LARS2: variants seen among roughly 807,000 people sequenced by gnomAD.
The protein encoded by LARS2 is leucine--tRNA ligase, mitochondrial.
A neutral mutation model predicts 116.6 loss-of-function variants in LARS2; 81 were observed. The observed-to-expected ratio is 0.69, with a 90% CI of 0.58 to 0.84. LARS2 has a LOEUF of 0.84. Among genes scored for constraint, LARS2 ranks in the 40% least tolerant of loss-of-function variants. The pLI, the probability that LARS2 is intolerant of heterozygous loss-of-function variation, is 0.00. For missense variants in LARS2, 968 were observed against 1,114.5 expected (o/e 0.87, Z 1.87); for synonymous variants, 396 against 407.2 (o/e 0.97, Z 0.33).
At chr3:45,426,122 A>T (rs2125691679) in intron 6 of LARS2, among the ~76,000 whole-genome samples, 1 of 152,292 alleles carries the variant, frequency 6.6e-6, no homozygotes, top group Admixed American at 6.5e-5. Flanking sequence ...TATTACTTCA[A>T]AGCCCGTACT....
chr3:45,533,269 G>A (rs1307217808), intron 20 of LARS2, among the ~76,000 whole-genome samples: 1 of 143,846 alleles, frequency 7.0e-6, no homozygotes, highest in Non-Finnish European at 1.5e-5. Context: ...GCCTGCATCA[G>A]CCTCCTGAGT....
chr3:45,471,040 T>TAAAAAAAAAAAAAAAA (rs55749404), intron 8 of LARS2, among the ~76,000 whole-genome samples: 1 of 43,814 alleles, frequency 2.3e-5, no homozygotes, highest in Admixed American at 2.9e-4. Context: ...ATTACAACAC[T>TAAAAAAAAAAAAAAAA]AAAAAAAAAA....
chr3:45,544,414 C>T (rs1421381114), intron 21 of LARS2, among the ~76,000 whole-genome samples: 13 of 152,170 alleles, frequency 8.5e-5, no homozygotes, highest in African/African-American at 1.2e-4. Context: ...CTGCCTTATC[C>T]GGCTATTGAG....
At chr3:45,471,066 A>T (rs28652703) in intron 8 of LARS2, among the ~76,000 whole-genome samples, 1 of 116,070 alleles carries the variant, frequency 8.6e-6, no homozygotes, top group African/African-American at 2.8e-5. Context: ...AAAAAAAAAA[A>T]AAGAAGGATA....
Position 45,497,554 on chromosome 3 carries a change from C to T in LARS2, c.1622+1181C>T, listed in dbSNP as rs578070665. On this transcript the variant is annotated intron_variant, in intron 14 of 21. Transcript: ENST00000645846. Reference sequence around the variant, plus strand: ...GTGAGACAGATACTCCTGCCCTCACCCTGCCAGAATTTCAACCTGCAGTGT... The same window carrying T: ...GTGAGACAGATACTCCTGCCCTCACTCTGCCAGAATTTCAACCTGCAGTGT... 3.3e-5 allele frequency among the ~76,000 whole-genome samples: 5 copies of T among 152,226 alleles called. No homozygotes were observed. In the East Asian group the frequency reaches 9.6e-4, roughly 29 times the overall value.
intron 6 of LARS2, among the ~76,000 whole-genome samples, chr3:45,436,532 C>T (rs1029864321): frequency 2.0e-5 from 3 of 151,974 alleles, no homozygotes; most frequent in Non-Finnish European, 4.4e-5. Context: ...CGGTGGCTCA[C>T]GCCTGTAATC....
At position 45,516,292 on chromosome 3, in the gene LARS2, C is replaced by T. The variant is rs1335578851; in HGVS notation, c.2044+16C>T. On this transcript the variant is annotated intron_variant, in intron 17 of 21. Coordinates refer to ENST00000645846, the MANE Select transcript of LARS2 (RefSeq NM_015340.4). ...GATGTGAAAAGTAAGTCACCTTCCTCTTCCTGACTTGCTTCCTTTGTGATC... is the reference window on the plus strand; with the variant it reads ...GATGTGAAAAGTAAGTCACCTTCCTTTTCCTGACTTGCTTCCTTTGTGATC... 1.2e-6 allele frequency: 2 copies of T among 1,607,374 alleles called. No individual in the cohort carries two copies. Among genetic ancestry groups the T allele is most frequent in the African/African-American group, 1.3e-5 (1 of 74,790 alleles).
intron 6 of LARS2, among the ~76,000 whole-genome samples, chr3:45,431,446 G>A (rs924710408): frequency 2.6e-5 from 4 of 152,128 alleles, no homozygotes; most frequent in Admixed American, 6.5e-5. Context: ...AGAAGAATAC[G>A]TTATAAAAAA....
intron 6 of LARS2, 72 bp downstream of exon 6, chr3:45,419,801 C>A: frequency 7.9e-7 from 1 of 1,262,528 alleles, no homozygotes; most frequent in Non-Finnish European, 1.2e-6. Context: ...ACTCTTCTTC[C>A]TCTTTGAGTT....
chr3:45,520,728 A>G (rs1421699605), intron 19 of LARS2, among the ~76,000 whole-genome samples: 1 of 152,204 alleles, frequency 6.6e-6, no homozygotes, highest in Non-Finnish European at 1.5e-5. Context: ...ACCAATGCCA[A>G]AAGTCAGCCT....
In LARS2 at chr3:45,485,793, A is replaced by C. The variant is rs1201875571; in HGVS notation, c.1120A>C (p.Ile374Leu). 1.3e-6 allele frequency: 2 copies of C among 1,588,194 alleles called. No individual in the cohort carries two copies. Among genetic ancestry groups the C allele is most frequent in the Non-Finnish European group, 1.7e-6 (2 of 1,158,692 alleles). Reference protein sequence around the residue: ...ADLEGSLDSKIGIPSTSSEDT... With the variant: ...ADLEGSLDSKLGIPSTSSEDT... ...CTTGGAAGGCTCTCTGGATTCAAAA[A>C]TAGGTAAGCAGCTATTAAAATGTAA... Residue 374 changes from isoleucine (I) to leucine (L), a missense_variant, in exon 11 of 22, where the codon ATA becomes CTA. Physicochemically the swap from Ile to Leu is conservative, Grantham distance 5. Transcript: ENST00000645846.
At chr3:45,440,244 C>G (rs1307175264) in intron 6 of LARS2, among the ~76,000 whole-genome samples, 1 of 152,216 alleles carries the variant, frequency 6.6e-6, no homozygotes, top group East Asian at 1.9e-4. Context: ...GCTAGTTTCT[C>G]TGCCTTTGAG....
In LARS2 at chr3:45,517,980, T is replaced by C; in HGVS notation, c.2122T>C (p.Ser708Pro). 1.2e-6 allele frequency: 2 copies of C among 1,613,798 alleles called. No homozygotes were observed. Among genetic ancestry groups the C allele is most frequent in the Non-Finnish European group, 1.7e-6 (2 of 1,179,692 alleles). Residue 708 changes from serine to proline, a missense_variant, in exon 18 of 22, where the codon TCT becomes CCT. Transcript: ENST00000645846. ...AACTCGGTTTATTGAGGCCAGGGCT[T>C]CTGGGAAGTCTCCCCAGCCTCAGCT... The part of the protein sequence containing the change: ...LTTRFIEARA[S>P]GKSPQPQLLS...
chr3:45,509,510 T>C (rs1045711034), intron 15 of LARS2: 3 of 152,112 alleles, frequency 2.0e-5, no homozygotes, highest in Admixed American at 2.0e-4. Flanking sequence ...GTCTTTCTTG[T>C]AGTGCTGATG....
intron 8 of LARS2, among the ~76,000 whole-genome samples, chr3:45,466,328 C>T (rs1404432687): frequency 1.3e-5 from 2 of 152,054 alleles, no homozygotes; most frequent in Non-Finnish European, 2.9e-5. Flanking sequence ...ACCTCTTCAG[C>T]TTGGAGAGTT....
chr3:45,524,041 T>C lies in LARS2; in HGVS notation c.2337T>C (p.Asp779=), dbSNP rs1245387659. 2.5e-6 allele frequency: 4 copies of C among 1,614,014 alleles called. No homozygotes were observed. In the African/African-American group the frequency reaches 5.3e-5, roughly 22 times the overall value. Reference sequence around the variant, plus strand: ...TTCTCCACAGCCCCGAGTTTGAGGATGCTTTGTGTGCCCTGATGGTAATGG... The same window carrying C: ...TTCTCCACAGCCCCGAGTTTGAGGACGCTTTGTGTGCCCTGATGGTAATGG... ...SVILHSPEFE[D]ALCALMVMAA... The change falls in exon 20 of 22, where the codon GAT becomes GAC. Residue 779 remains aspartate, a synonymous_variant. Coordinates refer to ENST00000645846, the MANE Select transcript of LARS2 (RefSeq NM_015340.4).
intron 4 of LARS2, among the ~76,000 whole-genome samples, 177 bp from the exon 5 acceptor site, chr3:45,417,305 G>C (rs1186721137): frequency 6.6e-6 from 1 of 152,160 alleles, no homozygotes; most frequent in African/African-American, 2.4e-5. Context: ...AACCTTCTAA[G>C]TTGTGTTCTA....
At position 45,491,771 on chromosome 3, in the gene LARS2, T is replaced by G; in HGVS notation, c.1494T>G (p.Ala498=). ...AGGGAGGCCCCCCACTGGCCATGGC[T>G]TCAGAGTGGGTGAACTGCTCCTGCC... The part of the protein sequence containing the change: ...TGKGGPPLAM[A]SEWVNCSCPR... Residue 498 remains alanine (A), a synonymous_variant, in exon 13 of 22, where the codon GCT becomes GCG. Transcript: ENST00000645846. 1.2e-6 allele frequency: 2 copies of G among 1,614,162 alleles called. No individual in the cohort carries two copies. The highest frequency in any genetic ancestry group is 1.7e-6 in the Non-Finnish European group (2 of 1,180,008).
chr3:45,445,787 C>T (rs933213954), intron 6 of LARS2, among the ~76,000 whole-genome samples: 3 of 152,188 alleles, frequency 2.0e-5, no homozygotes, highest in African/African-American at 7.2e-5. Context: ...CCACTGGGGG[C>T]ACAGATGTTT....
Sources: allele counts gnomAD v4.1 joint callset (sites outside exome capture counted in the v4.1 genomes callset), GRCh38; gene constraint gnomAD v4.1.1; transcripts MANE v1.5; gene names NCBI Gene and HGNC (gene_info 2026-07-23, HGNC 2026-07-21).